ELK4: variants seen among roughly 807,000 people sequenced by gnomAD.
ELK4 encodes ETS domain-containing protein Elk-4.
In ELK4, 16 loss-of-function variants were observed where a neutral mutation model predicts 29.6. The ratio of observed to expected loss-of-function variants is 0.54; its 90% CI spans 0.37 to 0.82. The LOEUF (loss-of-function observed/expected upper bound fraction) is 0.82. Among genes scored for constraint, ELK4 ranks in the 40% least tolerant of loss-of-function variants. The pLI is 0.00. For missense variants in ELK4, 465 were observed against 507.1 expected (o/e 0.92, Z 0.80); for synonymous variants, 213 against 191.1 (o/e 1.11, Z -0.95).
In ELK4 at chr1:205,612,108, G is replaced by A. The variant is rs1269357326; in HGVS notation, c.*4438C>T. 1 of 196,158 alleles carries A rather than the reference G, an allele frequency of 5.1e-6. No individual in the cohort carries two copies. The allele number at this position is 196,158 out of a possible 1,614,324, so 12.2% of individuals were successfully genotyped here. ...TGAAGATAAGAGACAACAGGCTGAC[G>A]AAAGTAATAGGAATAAAGCTGTGGA... On this transcript the variant is annotated 3_prime_UTR_variant, in exon 5 of 5. Transcript: ENST00000357992.
At chr1:205,623,175 A>T (rs1312350141) in intron 2 of ELK4, among the ~76,000 whole-genome samples, 1 of 144,608 alleles carries the variant, frequency 6.9e-6, no homozygotes, top group Non-Finnish European at 1.5e-5. Flanking sequence ...AAAAAAAAAA[A>T]GAAGAAGATT....
chr1:205,628,124 C>A (rs1283072754), intron 1 of ELK4, among the ~76,000 whole-genome samples: 1 of 152,202 alleles, frequency 6.6e-6, no homozygotes, highest in East Asian at 1.9e-4. Context: ...TGCCAAATAA[C>A]CATGCCCGCT....
chr1:205,613,022 T>C lies in ELK4; in HGVS notation c.*3524A>G. 1 of 203,290 alleles carries C rather than the reference T, an allele frequency of 4.9e-6. No homozygotes were observed. The highest frequency in any genetic ancestry group is 1.0e-5 in the Non-Finnish European group (1 of 99,126). 12.6% of individuals were successfully genotyped at this position (203,290 alleles called of 1,614,324 possible). A position where few individuals can be genotyped will look rare whatever the true frequency, so the allele number is the denominator to read the frequency against. ...CCTTTCAAGGGCCTCTAATTCTTTT[T>C]TTTTTTTCCTGACCGTACTCCTCAA... On this transcript the variant is annotated 3_prime_UTR_variant, in exon 5 of 5. Transcript: ENST00000357992.
At chr1:205,626,377 A>C (rs184078494) in intron 1 of ELK4, among the ~76,000 whole-genome samples, 1 of 151,890 alleles carries the variant, frequency 6.6e-6, no homozygotes, top group Admixed American at 6.6e-5. Context: ...CGCCTTTCCC[A>C]TTCTGCTTTA....
rs1185509714 is a variant in ELK4, at chr1:205,609,489, T to C, written c.*7057A>G. 2 of 192,882 alleles carry C rather than the reference T, an allele frequency of 1.0e-5. No individual in the cohort carries two copies. Among genetic ancestry groups the C allele is most frequent in the East Asian group, 1.7e-4 (2 of 12,112 alleles). The allele number at this position is 192,882 out of a possible 1,614,324, so 11.9% of individuals were successfully genotyped here. Reference sequence around the variant, plus strand: ...TAGGCCTCAAGGAATAAAAAATTAATTGTATTCGTTTCTTTTCTATCTTTA... The same window carrying C: ...TAGGCCTCAAGGAATAAAAAATTAACTGTATTCGTTTCTTTTCTATCTTTA... On this transcript the variant is annotated 3_prime_UTR_variant, in exon 5 of 5. Coordinates refer to ENST00000357992, the MANE Select transcript of ELK4 (RefSeq NM_001973.4).
In ELK4 at chr1:205,629,170, C is replaced by CAAAA. The variant is rs61374496; in HGVS notation, c.-10+2458_-10+2461dup. Among the ~76,000 whole-genome samples the CAAAA allele has an allele frequency of 4.9e-3, 454 of 92,222 alleles. 6 individuals are homozygous for CAAAA. The highest frequency in any genetic ancestry group is 0.016 in the African/African-American group (349 of 21,984). The allele number at this position is 92,222 out of a possible 152,430, so 60.5% of individuals were successfully genotyped here. ...TGGGCAACAGAGCAAGACTACGTCTCAAAAAAAAAAAAAAAAAAGAAAAGA... is the reference window on the plus strand; with the variant it reads ...TGGGCAACAGAGCAAGACTACGTCTCAAAAAAAAAAAAAAAAAAAAAAGAAAAGA... On this transcript the variant is annotated intron_variant, in intron 1 of 4. Coordinates refer to ENST00000357992, the MANE Select transcript of ELK4 (RefSeq NM_001973.4).
Position 205,611,575 on chromosome 1 carries a change from GAC to G in ELK4, c.*4969_*4970del. 1 of 205,054 alleles carries G rather than the reference GAC, an allele frequency of 4.9e-6. No individual in the cohort carries two copies. The allele number at this position is 205,054 out of a possible 1,614,324, so 12.7% of individuals were successfully genotyped here. A position where few individuals can be genotyped will look rare whatever the true frequency, so the allele number is the denominator to read the frequency against. ...CTGGTTAGAGTACCTGCTGAAGAAA[GAC>G]AACTATGGCTGACCTCCACACTTCA... On this transcript the variant is annotated 3_prime_UTR_variant, in exon 5 of 5. Coordinates refer to ENST00000357992, the MANE Select transcript of ELK4 (RefSeq NM_001973.4).
At chr1:205,619,474 GT>G (rs1326263502) in intron 3 of ELK4, 36 of 1,053,720 alleles carry the variant, frequency 3.4e-5, no homozygotes, top group East Asian at 2.8e-4. Context: ...CAGCATGTTT[GT>G]TTTTTTTTAA....
chr1:205,630,686 G>A (rs980778025), intron 1 of ELK4, among the ~76,000 whole-genome samples: 2 of 152,108 alleles, frequency 1.3e-5, no homozygotes, highest in East Asian at 3.8e-4. Context: ...TACCTCACTA[G>A]GAATGAACAG....
rs781730859 is a variant in ELK4, at chr1:205,620,676, C to T, written c.370G>A (p.Gly124Arg). Residue 124 changes from glycine (G) to arginine (R), a missense_variant, in exon 3 of 5, where the codon GGG becomes AGG. Physicochemically the swap from Gly to Arg is moderately radical, Grantham distance 125 (BLOSUM62 -2). Transcript: ENST00000357992. ...SSSSKDVENG[G>R]KDKPPQPGAK... The stretch of plus-strand genomic sequence containing the variant: ...CCAGGCTGAGGTGGTTTATCTTTCC[C>T]TCCATTCTCCACATCTTTGGAACTG... 2 of 1,614,126 alleles carry T rather than the reference C, an allele frequency of 1.2e-6. No homozygotes were observed. The highest frequency in any genetic ancestry group is 1.6e-4 in the Middle Eastern group (1 of 6,062).
chr1:205,628,854 T>C (rs1670516519), intron 1 of ELK4, among the ~76,000 whole-genome samples: 1 of 139,586 alleles, frequency 7.2e-6, no homozygotes, highest in African/African-American at 2.7e-5. Flanking sequence ...GTGTCTACGA[T>C]AGAAGGTTGA....
rs1276764063 is a variant in ELK4, at chr1:205,610,448, C to T, written c.*6098G>A. The T allele has an allele frequency of 4.3e-6, 1 of 230,220 alleles. No individual in the cohort carries two copies. Among genetic ancestry groups the T allele is most frequent in the Non-Finnish European group, 8.6e-6 (1 of 116,332 alleles). The allele number at this position is 230,220 out of a possible 1,614,324, so 14.3% of individuals were successfully genotyped here. A position where few individuals can be genotyped will look rare whatever the true frequency, so the allele number is the denominator to read the frequency against. ...AAATACTGCTTCCAGTATAAACCTC[C>T]TCTTTGAGAAACTTACAAACTAATA... On this transcript the variant is annotated 3_prime_UTR_variant, in exon 5 of 5. Transcript: ENST00000357992.
intron 1 of ELK4, chr1:205,625,501 G>C: frequency 1.4e-6 from 1 of 723,618 alleles, no homozygotes; most frequent in Admixed American, 1.8e-5. Flanking sequence ...CGTGTACAAA[G>C]AAGAGCATCC....
intron 1 of ELK4, among the ~76,000 whole-genome samples, chr1:205,630,755 G>A (rs1039362493): frequency 2.0e-5 from 3 of 152,124 alleles, no homozygotes; most frequent in Non-Finnish European, 2.9e-5. Context: ...GTTCCTGAAG[G>A]GAAAATATTG....
chr1:205,622,195 C>A (rs1165302644), intron 2 of ELK4, among the ~76,000 whole-genome samples: 1 of 152,010 alleles, frequency 6.6e-6, no homozygotes, highest in East Asian at 1.9e-4. Flanking sequence ...GCCTGGGCAA[C>A]AGAGCAAGAC....
chr1:205,629,212 G>C (rs1431077004), intron 1 of ELK4, among the ~76,000 whole-genome samples: 4 of 151,184 alleles, frequency 2.6e-5, no homozygotes, highest in African/African-American at 9.8e-5. Flanking sequence ...TGGCTTTGAG[G>C]TTTTAGACTG....
chr1:205,618,968 T>C lies in ELK4; in HGVS notation c.1186A>G (p.Thr396Ala). ...ATTTATAAAATTACCTGGAAAAGTG[T>C]GTTAGCACCTTGCAGTCTGGCTGGA... ...LSPARLQGAN[T>A]LFQFPSVLNS... The change falls in exon 4 of 5, where the codon ACA becomes GCA. Residue 396 changes from threonine (T) to alanine (A), a missense_variant. Around this residue, in one of 2 missense-constraint regions of ELK4, gnomAD observed 80 missense variants for 119.6 expected, o/e 0.67. Transcript: ENST00000357992. The C allele has an allele frequency of 6.2e-7, 1 of 1,608,538 alleles. No individual in the cohort carries two copies. The highest frequency in any genetic ancestry group is 8.5e-7 in the Non-Finnish European group (1 of 1,177,438).
chr1:205,620,892 T>A, intron 2 of ELK4, 54 bp from the exon 3 acceptor site: 1 of 1,509,356 alleles, frequency 6.6e-7, no homozygotes, highest in Non-Finnish European at 8.8e-7. Context: ...TTATATCCCA[T>A]AGTTCATGAA....
At position 205,609,647 on chromosome 1, in the gene ELK4, A is replaced by G. The variant is rs1465340402; in HGVS notation, c.*6899T>C. 2 of 205,890 alleles carry G rather than the reference A, an allele frequency of 9.7e-6. No individual in the cohort carries two copies. The highest frequency in any genetic ancestry group is 2.0e-5 in the Non-Finnish European group (2 of 100,630). The allele number at this position is 205,890 out of a possible 1,614,324, so 12.8% of individuals were successfully genotyped here. On this transcript the variant is annotated 3_prime_UTR_variant, in exon 5 of 5. Transcript: ENST00000357992. ...ACTGGTTAATACTGCCCCAAGTAAC[A>G]AAACAATGAAATGTCAGGATTGTGT...
Sources: allele counts gnomAD v4.1 joint callset (sites outside exome capture counted in the v4.1 genomes callset), GRCh38; gene constraint gnomAD v4.1.1; regional missense constraint gnomAD v4.1.1; transcripts MANE v1.5; gene names NCBI Gene and HGNC (gene_info 2026-07-23, HGNC 2026-07-21).